FAM171B: variants seen among roughly 807,000 people sequenced by gnomAD.
FAM171B encodes the protein protein FAM171B.
Under a neutral mutation model 75.6 loss-of-function variants are expected in FAM171B, and 19 were observed. The ratio of observed to expected loss-of-function variants is 0.25; its 90% CI spans 0.18 to 0.37. The LOEUF (loss-of-function observed/expected upper bound fraction) is 0.37. FAM171B is among the 10% of genes least tolerant of loss of function. FAM171B has a pLI of 1.00. For synonymous variants in FAM171B, 367 were observed against 361.7 expected (o/e 1.01, Z -0.17); for missense variants, 848 against 982.4 (o/e 0.86, Z 1.83).
chr2:186,740,477 G>GT lies in FAM171B; in HGVS notation c.472+25dup, dbSNP rs751258484. 8.6e-4 allele frequency: 1,338 copies of GT among 1,551,346 alleles called. 1 individual carries two copies. The highest frequency in any genetic ancestry group is 9.3e-4 in the Non-Finnish European group (1,058 of 1,137,646). On this transcript the variant is annotated intron_variant, in intron 2 of 7. Transcript: ENST00000304698. ...AGAATGCCAAGTAAGCACTTAAACA[G>GT]TTTTTTTTTGTTTGTTTTTGCTAAA...
At chr2:186,729,238 T>C (rs1690077545) in intron 1 of FAM171B, among the ~76,000 whole-genome samples, 2 of 152,150 alleles carry the variant, frequency 1.3e-5, no homozygotes, top group African/African-American at 4.8e-5. Flanking sequence ...TACTGAACCA[T>C]TTTAAAACGA....
At chr2:186,702,910 T>C (rs1689683509) in intron 1 of FAM171B, among the ~76,000 whole-genome samples, 1 of 152,128 alleles carries the variant, frequency 6.6e-6, no homozygotes, top group African/African-American at 2.4e-5. Flanking sequence ...AATATGCTTT[T>C]TCTTCCTCAA....
intron 1 of FAM171B, among the ~76,000 whole-genome samples, chr2:186,696,077 T>C (rs1033873009): frequency 1.1e-4 from 16 of 152,206 alleles, no homozygotes; most frequent in African/African-American, 3.9e-4. Context: ...ATTAAAATGT[T>C]TGCTTTCTGA....
intron 1 of FAM171B, among the ~76,000 whole-genome samples, chr2:186,703,065 A>G (rs1019460214): frequency 1.2e-4 from 15 of 122,722 alleles, no homozygotes; most frequent in Middle Eastern, 7.8e-3. Context: ...GTGTGTGTGT[A>G]TATATATATA....
At chr2:186,704,628 T>G (rs1047023846) in intron 1 of FAM171B, among the ~76,000 whole-genome samples, 2 of 152,216 alleles carry the variant, frequency 1.3e-5, no homozygotes, top group Admixed American at 6.5e-5. Flanking sequence ...ATTTGCTGAT[T>G]TCCTTCATAG....
chr2:186,739,579 T>C (rs1690256973), intron 1 of FAM171B, among the ~76,000 whole-genome samples: 1 of 152,180 alleles, frequency 6.6e-6, no homozygotes, highest in Non-Finnish European at 1.5e-5. Flanking sequence ...ATCAATATTA[T>C]TGTCTTCCAC....
chr2:186,702,118 G>A (rs1354435824), intron 1 of FAM171B, among the ~76,000 whole-genome samples: 2 of 152,294 alleles, frequency 1.3e-5, no homozygotes, highest in East Asian at 3.9e-4. Context: ...GACATTTTCT[G>A]AGAAATGCGT....
intron 1 of FAM171B, among the ~76,000 whole-genome samples, chr2:186,728,963 T>G (rs931742319): frequency 6.6e-6 from 1 of 152,202 alleles, no homozygotes; most frequent in Non-Finnish European, 1.5e-5. Context: ...TTTTGGACTT[T>G]TAGTTACCTA....
chr2:186,754,466 C>T (rs1268836498), intron 6 of FAM171B, among the ~76,000 whole-genome samples: 1 of 152,198 alleles, frequency 6.6e-6, no homozygotes, highest in Non-Finnish European at 1.5e-5. Flanking sequence ...AGGCAGGACT[C>T]CTTGCCGTGC....
At chr2:186,712,000 G>A (rs1689815861) in intron 1 of FAM171B, among the ~76,000 whole-genome samples, 1 of 152,134 alleles carries the variant, frequency 6.6e-6, no homozygotes, top group South Asian at 2.1e-4. Flanking sequence ...TTGAGCTTAT[G>A]AATTTCTTTA....
rs1019547649 is a variant in FAM171B at position 186,762,877 on chromosome 2, T to C, written c.*54T>C. The C allele has an allele frequency of 3.9e-6, 6 of 1,549,630 alleles. No individual in the cohort carries two copies. The highest frequency in any genetic ancestry group is 1.8e-4 in the Middle Eastern group (1 of 5,712). On this transcript the variant is annotated 3_prime_UTR_variant, in exon 8 of 8. Coordinates refer to ENST00000304698, the MANE Select transcript of FAM171B (RefSeq NM_177454.4). The surrounding 1 kb of genome is among the most constrained non-coding windows in gnomAD (Gnocchi z 4.0). ...TCGTGCTGTTTATTCTTGCTTCTTG[T>C]TGTAAATTGCAGTACGAACTTAAGA...
chr2:186,710,648 A>T (rs1188555114), intron 1 of FAM171B, among the ~76,000 whole-genome samples: 2 of 152,108 alleles, frequency 1.3e-5, no homozygotes, highest in Non-Finnish European at 2.9e-5. Flanking sequence ...CTGTAACTCA[A>T]ACCATACCCT....
chr2:186,748,451 A>C (rs1248025760), intron 4 of FAM171B, among the ~76,000 whole-genome samples: 1 of 152,280 alleles, frequency 6.6e-6, no homozygotes, highest in East Asian at 1.9e-4. Flanking sequence ...CAGCCAGATG[A>C]CACTTATTAT....
At chr2:186,756,439 T>C (rs1690531868) in intron 6 of FAM171B, among the ~76,000 whole-genome samples, 1 of 152,334 alleles carries the variant, frequency 6.6e-6, no homozygotes, top group South Asian at 2.1e-4. Context: ...TGTGTTAGTC[T>C]GCTCAGGCAG....
chr2:186,697,923 A>G (rs904589737), intron 1 of FAM171B, among the ~76,000 whole-genome samples: 2 of 152,192 alleles, frequency 1.3e-5, no homozygotes, highest in African/African-American at 2.4e-5. Context: ...AAAAAAGTAC[A>G]TTTCCATTTT....
intron 1 of FAM171B, among the ~76,000 whole-genome samples, chr2:186,729,046 A>G (rs929074110): frequency 6.6e-6 from 1 of 152,074 alleles, no homozygotes; most frequent in African/African-American, 2.4e-5. Context: ...CTTTATACCT[A>G]TTTATTATTA....
intron 1 of FAM171B, among the ~76,000 whole-genome samples, chr2:186,696,216 C>G (rs1018863674): frequency 3.9e-5 from 6 of 151,998 alleles, no homozygotes; most frequent in Non-Finnish European, 5.9e-5. Context: ...TGAGAAGTAA[C>G]CTATGATGAT....
At chr2:186,706,537 A>G (rs1410767904) in intron 1 of FAM171B, among the ~76,000 whole-genome samples, 2 of 152,224 alleles carry the variant, frequency 1.3e-5, no homozygotes, top group African/African-American at 4.8e-5. Context: ...CAAAAGGAGA[A>G]ATTTGTATCT....
chr2:186,694,416 G>C lies in FAM171B; in HGVS notation c.238+5G>C. ...CCTCCACCTTGACGGTTCCAGGTAGGTCCTGGCTGCCCAGCCCGGTCTTTC... is the reference window on the plus strand; with the variant it reads ...CCTCCACCTTGACGGTTCCAGGTAGCTCCTGGCTGCCCAGCCCGGTCTTTC... On this transcript the variant is annotated splice_donor_5th_base_variant and intron_variant, in intron 1 of 7. Coordinates refer to ENST00000304698, the MANE Select transcript of FAM171B (RefSeq NM_177454.4). 6.2e-7 allele frequency: 1 copy of C among 1,608,350 alleles called. No individual in the cohort carries two copies. The highest frequency in any genetic ancestry group is 1.1e-5 in the South Asian group (1 of 90,012).
Sources: gnomAD v4.1 joint callset for allele counts (sites outside exome capture counted in the v4.1 genomes callset) on GRCh38, gnomAD v4.1.1 for gene constraint, Gnocchi (gnomAD v3.1) non-coding constraint, MANE v1.5 for transcripts, NCBI Gene and HGNC (gene_info 2026-07-23, HGNC 2026-07-21) for gene names.